MLXIPL: variants seen among roughly 807,000 people sequenced by gnomAD.
MLXIPL encodes the protein MLX interacting protein like, also known as carbohydrate-responsive element-binding protein.
A neutral mutation model predicts 81.5 loss-of-function variants in MLXIPL; 49 were observed. The observed-to-expected ratio is 0.60, with a 90% CI of 0.48 to 0.76. The LOEUF (loss-of-function observed/expected upper bound fraction) is 0.76, where lower values mean the gene tolerates loss of function less well. Ranked by LOEUF, MLXIPL falls within the 30% of genes least tolerant of loss-of-function variation. MLXIPL has a pLI of 0.00. For missense variants in MLXIPL, 1,053 were observed against 1,167.0 expected (o/e 0.90, Z 1.42); for synonymous variants, 466 against 485.5 (o/e 0.96, Z 0.53).
the MLXIPL span, among the ~76,000 whole-genome samples, chr7:73,647,410 A>C: frequency 6.6e-6 from 1 of 151,086 alleles, no homozygotes. Flanking sequence ...CTCCCTCCTG[A>C]CTCCCTGGGC....
intron 2 of MLXIPL, 147 bp from the exon 3 acceptor site, chr7:73,607,819 C>T: frequency 1.7e-6 from 1 of 589,790 alleles, no homozygotes; most frequent in South Asian, 1.9e-5. Context: ...TCCAGGAAGT[C>T]TTCTCGGATG....
chr7:73,614,008 C>T (rs190182019), intron 2 of MLXIPL, among the ~76,000 whole-genome samples: 1 of 152,250 alleles, frequency 6.6e-6, no homozygotes, highest in African/African-American at 2.4e-5. Context: ...CCTGTAATCC[C>T]AGCTACTTGG....
chr7:73,632,485 C>T, the MLXIPL span, among the ~76,000 whole-genome samples: 1 of 152,136 alleles, frequency 6.6e-6, no homozygotes, highest in African/African-American at 2.4e-5. Context: ...CATCCTGATT[C>T]GCCCTTACAA....
At chr7:73,634,130 T>C in the MLXIPL span, among the ~76,000 whole-genome samples, 2 of 152,164 alleles carry the variant, frequency 1.3e-5, 1 homozygote, top group Admixed American at 1.3e-4. Flanking sequence ...ATCTGTAAAA[T>C]GGGTGAACAA....
At chr7:73,603,327 C>T (rs35368205) in intron 7 of MLXIPL, among the ~76,000 whole-genome samples, 23,188 of 152,238 alleles carry the variant, frequency 0.15, 1,902 homozygotes, top group Non-Finnish European at 0.19. Flanking sequence ...GCTTGCCAGA[C>T]ATCGCCTCCT....
chr7:73,596,106 A>G lies in MLXIPL; in HGVS notation c.2058+47T>C. The G allele has an allele frequency of 1.9e-6, 3 of 1,605,012 alleles. No individual in the cohort carries two copies. The South Asian group carries it at 3.3e-5, about 18-fold the overall frequency. Reference sequence around the variant, plus strand: ...GAGTTTTGGGTGGGGGGGGTCCAGAAAGGGGCCCTGTGGTTTTGGGGGTGC... The same window carrying G: ...GAGTTTTGGGTGGGGGGGGTCCAGAGAGGGGCCCTGTGGTTTTGGGGGTGC... On this transcript the variant is annotated intron_variant, in intron 13 of 16. Transcript: ENST00000313375. This position sits in a 1 kb window ranked among gnomAD's most constrained non-coding sequence, Gnocchi z 4.7.
At chr7:73,606,423 T>A in intron 5 of MLXIPL, 2 of 426,952 alleles carry the variant, frequency 4.7e-6, no homozygotes, top group African/African-American at 2.1e-5. Context: ...TTTCTTTTTC[T>A]TTTTCTTTTT....
At position 73,622,002 on chromosome 7, in the gene MLXIPL, C is replaced by T. The variant is rs532640095; in HGVS notation, c.293+2198G>A. On this transcript the variant is annotated intron_variant, in intron 1 of 16. Transcript: ENST00000313375. ...TTCCATCTCCCTCCCTCCCTTCCTTCCTTCCTCCCCCCATCTCCCTCCCTC... is the reference window on the plus strand; with the variant it reads ...TTCCATCTCCCTCCCTCCCTTCCTTTCTTCCTCCCCCCATCTCCCTCCCTC... Among the ~76,000 whole-genome samples, 184 of 98,796 alleles carry T rather than the reference C, an allele frequency of 1.9e-3. 1 individual carries two copies. The highest frequency in any genetic ancestry group is 5.8e-3 in the Middle Eastern group (1 of 172). The allele number at this position is 98,796 out of a possible 152,430, so 64.8% of individuals were successfully genotyped here. A position where few individuals can be genotyped will look rare whatever the true frequency, so the allele number is the denominator to read the frequency against.
intron 2 of MLXIPL, among the ~76,000 whole-genome samples, chr7:73,608,056 C>T (rs1232719072): frequency 6.6e-6 from 1 of 150,862 alleles, no homozygotes; most frequent in Non-Finnish European, 1.5e-5. Context: ...GGGGTTTCAC[C>T]ATGTTGGCCA....
intron 4 of MLXIPL, 148 bp downstream of exon 4, chr7:73,607,183 T>C: frequency 8.0e-7 from 1 of 1,248,542 alleles, no homozygotes; most frequent in South Asian, 1.3e-5. Context: ...GGCCACACGG[T>C]GGCGCTGTCG....
At chr7:73,635,801 T>G in the MLXIPL span, among the ~76,000 whole-genome samples, 1 of 152,152 alleles carries the variant, frequency 6.6e-6, no homozygotes, top group African/African-American at 2.4e-5. Flanking sequence ...GTTCCATGTA[T>G]ACACCTACCT....
chr7:73,620,756 A>C (rs1489889750), intron 1 of MLXIPL, among the ~76,000 whole-genome samples: 1 of 144,766 alleles, frequency 6.9e-6, no homozygotes, highest in African/African-American at 2.6e-5. Context: ...AAAAAAAAGA[A>C]AAGAAAGAAA....
In MLXIPL at chr7:73,596,626, C is replaced by T. The variant is rs1554594018; in HGVS notation, c.1822+13G>A. The T allele has an allele frequency of 3.1e-6, 5 of 1,602,704 alleles. No homozygotes were observed. The highest frequency in any genetic ancestry group is 3.4e-6 in the Non-Finnish European group (4 of 1,174,710). On this transcript the variant is annotated intron_variant, in intron 11 of 16. Coordinates refer to ENST00000313375, the MANE Select transcript of MLXIPL (RefSeq NM_032951.3). This position sits in a 1 kb window ranked among gnomAD's most constrained non-coding sequence, Gnocchi z 4.7. ...CCCTAGATTCCCCCAATCCCTGCAA[C>T]CCCTCTCTTTACCGCTGGGCGCTGG...
At chr7:73,643,097 G>T in the MLXIPL span, among the ~76,000 whole-genome samples, 1 of 152,168 alleles carries the variant, frequency 6.6e-6, no homozygotes, top group African/African-American at 2.4e-5. Flanking sequence ...CACAGCCAGG[G>T]ATGCCAGTGG....
intron 1 of MLXIPL, among the ~76,000 whole-genome samples, chr7:73,618,668 C>T (rs1554601304): frequency 1.3e-5 from 2 of 151,640 alleles, no homozygotes; most frequent in African/African-American, 4.8e-5. Context: ...CTGGCTGGGC[C>T]CCTCCCTCTG....
intron 4 of MLXIPL, 143 bp from the exon 5 acceptor site, chr7:73,607,161 A>G (rs536122806): frequency 1.6e-6 from 2 of 1,287,454 alleles, no homozygotes; most frequent in East Asian, 2.5e-5. Context: ...GGAGGCCGCT[A>G]GGAGACGCTG....
rs1051943 is a variant in MLXIPL, at chr7:73,593,276, T to C, written c.*589A>G. 0.043 allele frequency: 7,304 copies of C among 171,104 alleles called. 205 individuals carry two copies. The highest frequency in any genetic ancestry group is 0.066 in the Non-Finnish European group (5,157 of 78,180). The allele number at this position is 171,104 out of a possible 1,614,324, so 10.6% of individuals were successfully genotyped here. A position where few individuals can be genotyped will look rare whatever the true frequency, so the allele number is the denominator to read the frequency against. On this transcript the variant is annotated 3_prime_UTR_variant, in exon 17 of 17. Transcript: ENST00000313375. ...ACACATCCACACACACACACACACA[T>C]GATGCCTGCCCTGCTGTGGTCACTC...
intron 7 of MLXIPL, among the ~76,000 whole-genome samples, chr7:73,602,172 C>CCTT (rs1794919114): frequency 6.7e-6 from 1 of 148,632 alleles, no homozygotes; most frequent in Non-Finnish European, 1.5e-5. Flanking sequence ...TCCTTTCTTT[C>CCTT]CCTCTCTCTC....
upstream of MLXIPL, among the ~76,000 whole-genome samples, chr7:73,628,578 C>A (rs1169868876): frequency 1.4e-4 from 21 of 152,226 alleles, no homozygotes; most frequent in African/African-American, 4.8e-4. Flanking sequence ...TCACTGCAGC[C>A]TCAAACTCCT....
Sources: gnomAD v4.1 joint callset for allele counts (sites outside exome capture counted in the v4.1 genomes callset) on GRCh38, gnomAD v4.1.1 for gene constraint, Gnocchi (gnomAD v3.1) non-coding constraint, MANE v1.5 for transcripts, NCBI Gene and HGNC (gene_info 2026-07-23, HGNC 2026-07-21) for gene names.